CAMTA1: variants seen among roughly 807,000 people sequenced by gnomAD.
The protein encoded by CAMTA1 is calmodulin-binding transcription activator 1.
Under a neutral mutation model 170.9 loss-of-function variants are expected in CAMTA1, and 27 were observed. That is an observed-to-expected ratio of 0.16 (90% CI 0.12 to 0.22). The LOEUF (loss-of-function observed/expected upper bound fraction) is 0.22. Among genes scored for constraint, CAMTA1 ranks in the 10% least tolerant of loss-of-function variants. The pLI is 1.00. For missense variants in CAMTA1, 1,619 were observed against 2,217.2 expected (o/e 0.73, Z 5.42); for synonymous variants, 833 against 891.5 (o/e 0.93, Z 1.17).
chr1:7,162,095 C>T (rs1310932782), intron 4 of CAMTA1, among the ~76,000 whole-genome samples: 8 of 152,046 alleles, frequency 5.3e-5, no homozygotes, highest in East Asian at 1.9e-4. Context: ...TGGGCAGGGG[C>T]GTTTCTTGAT....
chr1:7,029,482 CTG>C (rs1702486889), intron 3 of CAMTA1, among the ~76,000 whole-genome samples: 1 of 102,342 alleles, frequency 9.8e-6, no homozygotes, highest in Admixed American at 1.3e-4. Flanking sequence ...GAGTGAGACT[CTG>C]TCTCAAAAAA....
rs1706245307 is a variant in CAMTA1 at position 7,050,930 on chromosome 1, G to A, written c.235-40374G>A. ...TGCAGGGAGCAGCGCTGGAAGCCCG[G>A]CCCTCTGTACTGTGTGTTCCCAGGC... is the stretch of plus-strand genomic sequence containing the variant. On this transcript the variant is annotated intron_variant, in intron 3 of 22. Coordinates refer to ENST00000303635, the MANE Select transcript of CAMTA1 (RefSeq NM_015215.4). This position sits in a 1 kb window ranked among gnomAD's most constrained non-coding sequence, Gnocchi z 4.8. Among the ~76,000 whole-genome samples, 2 of 152,196 alleles carry A rather than the reference G, an allele frequency of 1.3e-5. No individual in the cohort carries two copies. Among genetic ancestry groups the A allele is most frequent in the South Asian group, 4.1e-4 (2 of 4,832 alleles).
chr1:7,365,708 C>T (rs536407345), intron 5 of CAMTA1, among the ~76,000 whole-genome samples: 7 of 152,322 alleles, frequency 4.6e-5, no homozygotes, highest in African/African-American at 1.2e-4. Flanking sequence ...AGGCAGCCCC[C>T]GTTACCACTG....
intron 3 of CAMTA1, among the ~76,000 whole-genome samples, chr1:7,024,022 CTG>C (rs1701712551): frequency 8.3e-6 from 1 of 121,166 alleles, no homozygotes; most frequent in African/African-American, 3.5e-5. Context: ...GAGCGAGACT[CTG>C]TCTCAAAAAA....
intron 7 of CAMTA1, among the ~76,000 whole-genome samples, chr1:7,647,064 G>T (rs1259439830): frequency 6.6e-6 from 1 of 152,196 alleles, no homozygotes; most frequent in East Asian, 1.9e-4. Context: ...CAGTGGCAGA[G>T]AAATCTGCTC....
chr1:7,402,660 G>A lies in CAMTA1; in HGVS notation c.439-65170G>A, dbSNP rs560372139. 3.3e-5 allele frequency among the ~76,000 whole-genome samples: 5 copies of A among 152,152 alleles called. No homozygotes were observed. The South Asian group carries it at 1.0e-3, about 32-fold the overall frequency. The stretch of plus-strand genomic sequence containing the variant: ...TTTCTTTGTGGTTTGCAGTTGTCTT[G>A]GGAGGGCCTTCTGTCTGGGTTTGAC... On this transcript the variant is annotated intron_variant, in intron 5 of 22. Transcript: ENST00000303635.
At chr1:6,911,539 T>C (rs1679681470) in intron 3 of CAMTA1, among the ~76,000 whole-genome samples, 1 of 151,818 alleles carries the variant, frequency 6.6e-6, no homozygotes, top group Non-Finnish European at 1.5e-5. Context: ...TCTCTGTAAA[T>C]GATCTTCATG....
intron 5 of CAMTA1, among the ~76,000 whole-genome samples, chr1:7,316,995 C>T (rs765447289): frequency 5.3e-5 from 8 of 152,190 alleles, no homozygotes; most frequent in Non-Finnish European, 5.9e-5. Flanking sequence ...TCCGTCCTGT[C>T]TGCCAGGGGT....
chr1:7,183,372 G>C (rs918470537), intron 4 of CAMTA1, among the ~76,000 whole-genome samples: 1 of 152,078 alleles, frequency 6.6e-6, no homozygotes, highest in African/African-American at 2.4e-5. Context: ...CATGAGATTT[G>C]GAGGGGACAG....
intron 1 of CAMTA1, among the ~76,000 whole-genome samples, chr1:6,817,509 C>T (rs1469580928): frequency 6.6e-6 from 1 of 152,194 alleles, no homozygotes; most frequent in African/African-American, 2.4e-5. Context: ...ATGATGATTC[C>T]ATGCTCACAG....
chr1:6,938,011 T>A (rs1685753454), intron 3 of CAMTA1, among the ~76,000 whole-genome samples: 1 of 152,368 alleles, frequency 6.6e-6, no homozygotes, highest in African/African-American at 2.4e-5. Flanking sequence ...GGGCAGATAT[T>A]CTGCCTGTTT....
chr1:7,083,323 T>C (rs908658301), intron 3 of CAMTA1, among the ~76,000 whole-genome samples: 4 of 152,254 alleles, frequency 2.6e-5, no homozygotes, highest in Admixed American at 2.6e-4. Context: ...AGAGTAGAGC[T>C]ACGTTGCATT....
intron 4 of CAMTA1, among the ~76,000 whole-genome samples, chr1:7,186,510 G>A (rs1216600046): frequency 1.3e-5 from 2 of 152,068 alleles, no homozygotes; most frequent in Non-Finnish European, 2.9e-5. Context: ...TTCTTATTGG[G>A]GGATGACAGA....
chr1:7,186,689 G>A (rs569765091), intron 4 of CAMTA1, among the ~76,000 whole-genome samples: 11 of 152,322 alleles, frequency 7.2e-5, no homozygotes, highest in African/African-American at 2.6e-4. Flanking sequence ...ACTTTAGAAT[G>A]AGTTTTATTC....
chr1:7,302,656 C>G (rs1674947214), intron 5 of CAMTA1, among the ~76,000 whole-genome samples: 1 of 152,216 alleles, frequency 6.6e-6, no homozygotes, highest in Admixed American at 6.5e-5. Context: ...GGGGCTTCAT[C>G]TGTTTCCCAT....
intron 3 of CAMTA1, among the ~76,000 whole-genome samples, chr1:7,033,588 CTTTTTTTTTTT>C (rs34282545): frequency 5.3e-5 from 5 of 95,130 alleles, no homozygotes; most frequent in East Asian, 3.3e-4. Context: ...TGTAAATATT[CTTTTTTTTTTT>C]TTTTTTTTTT....
chr1:7,742,949 C>T (rs1393967969), intron 16 of CAMTA1, among the ~76,000 whole-genome samples: 5 of 152,138 alleles, frequency 3.3e-5, no homozygotes, highest in Non-Finnish European at 7.4e-5. Flanking sequence ...CTGCCTTGGC[C>T]TCTCTAGTAT....
At chr1:7,650,781 G>C (rs1452694237) in intron 7 of CAMTA1, among the ~76,000 whole-genome samples, 1 of 152,222 alleles carries the variant, frequency 6.6e-6, no homozygotes, top group Non-Finnish European at 1.5e-5. Flanking sequence ...TGAGTGGTGA[G>C]ATCGGGAAAT....
intron 3 of CAMTA1, among the ~76,000 whole-genome samples, chr1:7,056,873 G>A (rs1707402079): frequency 6.6e-6 from 1 of 152,212 alleles, no homozygotes; most frequent in Non-Finnish European, 1.5e-5. Context: ...GGGGCCATGA[G>A]AGCCGATCGT....
Sources: allele counts gnomAD v4.1 joint callset (sites outside exome capture counted in the v4.1 genomes callset), GRCh38; gene constraint gnomAD v4.1.1; non-coding constraint Gnocchi (gnomAD v3.1); transcripts MANE v1.5; gene names NCBI Gene and HGNC (gene_info 2026-07-23, HGNC 2026-07-21).